The following ME3 variants were observed in gnomAD, a reference collection of about 807,000 sequenced individuals.
ME3 encodes NADP-dependent malic enzyme, mitochondrial.
ME3 carries 48 observed loss-of-function variants against 68.9 expected under a neutral mutation model. The ratio of observed to expected loss-of-function variants is 0.70; its 90% CI spans 0.55 to 0.89. The LOEUF is 0.89. Among genes scored for constraint, ME3 ranks in the 40% least tolerant of loss-of-function variants. ME3 has a pLI of 0.00. For synonymous variants in ME3, 320 were observed against 318.8 expected, an observed-to-expected ratio of 1.00 and a Z score of -0.04; for missense variants, 675 against 797.4, an observed-to-expected ratio of 0.85 and a Z score of 1.85.
chr11:86,474,757 TC>T (rs1950968326), intron 7 of ME3, among the ~76,000 whole-genome samples: 1 of 152,200 alleles, frequency 6.6e-6, no homozygotes, highest in African/African-American at 2.4e-5. Flanking sequence ...CAAGTAAATG[TC>T]CCAGATCTTT....
chr11:86,613,791 A>G (rs1308456495), intron 2 of ME3, among the ~76,000 whole-genome samples: 2 of 152,200 alleles, frequency 1.3e-5, no homozygotes, highest in Admixed American at 6.5e-5. Context: ...AAGGAGAACT[A>G]CAAACCACTG....
At chr11:86,623,586 G>C (rs1213936264) in intron 2 of ME3, among the ~76,000 whole-genome samples, 2 of 152,208 alleles carry the variant, frequency 1.3e-5, no homozygotes, top group African/African-American at 4.8e-5. Context: ...ACAGGGTGTA[G>C]TATATTAAGG....
intron 2 of ME3, among the ~76,000 whole-genome samples, chr11:86,577,984 G>A (rs1265196421): frequency 6.6e-6 from 1 of 152,134 alleles, no homozygotes; most frequent in Non-Finnish European, 1.5e-5. Context: ...TAGTTTTTGC[G>A]AAGTTGTTGG....
intron 4 of ME3, among the ~76,000 whole-genome samples, chr11:86,533,642 G>A (rs952855858): frequency 1.2e-4 from 19 of 152,184 alleles, no homozygotes; most frequent in African/African-American, 4.1e-4. Flanking sequence ...CATTTACAAG[G>A]CCAGCATTAC....
chr11:86,660,267 C>T (rs2135484744), intron 2 of ME3, among the ~76,000 whole-genome samples: 1 of 152,314 alleles, frequency 6.6e-6, no homozygotes, highest in African/African-American at 2.4e-5. Flanking sequence ...CCCTCTCCTT[C>T]CGGACTGGAT....
At chr11:86,467,976 C>A (rs986683911) in intron 7 of ME3, among the ~76,000 whole-genome samples, 20 of 152,178 alleles carry the variant, frequency 1.3e-4, no homozygotes, top group African/African-American at 4.1e-4. Flanking sequence ...TAGAACTCAC[C>A]GGATTTAAGG....
rs1594822312 is a variant in ME3, at chr11:86,661,962, G to A, written c.183+9800C>T. On this transcript the variant is annotated intron_variant, in intron 2 of 14. Transcript: ENST00000543262. ...TATTGAATAAATTAAACAAACAAAT[G>A]AGTCTTGGGAGAATTACACAAAGTT... Among the ~76,000 whole-genome samples, 9 of 152,272 alleles carry A rather than the reference G, an allele frequency of 5.9e-5. No individual in the cohort carries two copies. The South Asian group carries it at 1.9e-3, about 32-fold the overall frequency.
intron 2 of ME3, among the ~76,000 whole-genome samples, chr11:86,603,133 A>G (rs1184191992): frequency 1.3e-5 from 2 of 152,236 alleles, no homozygotes; most frequent in African/African-American, 2.4e-5. Flanking sequence ...CAGCACAGCA[A>G]AAGAAACTAC....
intron 2 of ME3, among the ~76,000 whole-genome samples, chr11:86,671,163 G>GT (rs566938888): frequency 2.8e-4 from 43 of 152,296 alleles, no homozygotes; most frequent in South Asian, 1.2e-3. Context: ...CCTTTGTCTT[G>GT]TTTTTTGTAA....
intron 2 of ME3, among the ~76,000 whole-genome samples, chr11:86,643,600 A>T (rs1224050505): frequency 1.3e-5 from 2 of 152,184 alleles, no homozygotes; most frequent in African/African-American, 4.8e-5. Context: ...CTACTTTAAG[A>T]AACCTTCTTA....
At chr11:86,478,821 C>T (rs1251965292) in intron 7 of ME3, among the ~76,000 whole-genome samples, 1 of 152,084 alleles carries the variant, frequency 6.6e-6, no homozygotes, top group Non-Finnish European at 1.5e-5. Context: ...TCTTTGGAGT[C>T]CTGGGGCCCA....
intron 2 of ME3, among the ~76,000 whole-genome samples, chr11:86,640,507 G>A (rs763149572): frequency 3.9e-5 from 6 of 152,188 alleles, no homozygotes; most frequent in Non-Finnish European, 7.3e-5. Flanking sequence ...CCCACCTGGG[G>A]CCACAGATTT....
At chr11:86,641,668 C>T (rs575029411) in intron 2 of ME3, among the ~76,000 whole-genome samples, 10 of 152,272 alleles carry the variant, frequency 6.6e-5, no homozygotes, top group East Asian at 1.9e-4. Context: ...TACAATTGTG[C>T]AAGAACTATA....
chr11:86,494,004 G>C (rs1284635787), intron 6 of ME3, among the ~76,000 whole-genome samples: 3 of 151,478 alleles, frequency 2.0e-5, no homozygotes, highest in Non-Finnish European at 4.4e-5. Context: ...CTGAGCAAAA[G>C]GTGTGCCCTG....
chr11:86,539,396 C>T (rs1383519688), intron 4 of ME3, among the ~76,000 whole-genome samples: 1 of 152,158 alleles, frequency 6.6e-6, no homozygotes, highest in African/African-American at 2.4e-5. Context: ...GTAAACTAGA[C>T]AACCCATGCC....
intron 4 of ME3, among the ~76,000 whole-genome samples, chr11:86,536,189 A>G (rs898544599): frequency 1.3e-5 from 2 of 152,216 alleles, no homozygotes; most frequent in Non-Finnish European, 2.9e-5. Flanking sequence ...ACCCTGGAAG[A>G]AAACCTAGGC....
At chr11:86,441,440 C>G (rs1400062471) in exon 15 of ME3, 5 of 1,578,672 alleles carry the variant, frequency 3.2e-6, no homozygotes, top group South Asian at 1.2e-5. Flanking sequence ...TAGTCGAGAA[C>G]CTAGAGAAAA....
intron 2 of ME3, among the ~76,000 whole-genome samples, chr11:86,568,894 G>T (rs1257828962): frequency 6.6e-6 from 1 of 152,176 alleles, no homozygotes; most frequent in Non-Finnish European, 1.5e-5. Context: ...AACAGGTCCT[G>T]GTCACTGTCC....
At chr11:86,623,630 C>A (rs533755758) in intron 2 of ME3, among the ~76,000 whole-genome samples, 67 of 152,268 alleles carry the variant, frequency 4.4e-4, no homozygotes, top group African/African-American at 1.5e-3. Flanking sequence ...TTTTTGGCTT[C>A]ATACTGTTTA....
Sources: gnomAD v4.1 joint callset for allele counts (sites outside exome capture counted in the v4.1 genomes callset) on GRCh38, gnomAD v4.1.1 for gene constraint, MANE v1.5 for transcripts, NCBI Gene and HGNC (gene_info 2026-07-23, HGNC 2026-07-21) for gene names.